The following PRRC1 variants were observed in gnomAD, a reference collection of about 807,000 sequenced individuals.
The protein encoded by PRRC1 is protein PRRC1.
Under a neutral mutation model 40.7 loss-of-function variants are expected in PRRC1, and 39 were observed. The ratio of observed to expected loss-of-function variants is 0.96; its 90% CI spans 0.74 to 1.25. PRRC1 has a LOEUF of 1.25. Among genes scored for constraint, PRRC1 ranks in the 50% most tolerant of loss-of-function variants. PRRC1 has a pLI of 0.00. For missense variants in PRRC1, 573 were observed against 548.3 expected, an observed-to-expected ratio of 1.05 and a Z score of -0.45; for synonymous variants, 175 against 193.3, an observed-to-expected ratio of 0.91 and a Z score of 0.79.
At position 127,525,290 on chromosome 5, in the gene PRRC1, T is replaced by A. The variant is rs1561679739; in HGVS notation, c.493+370T>A. ...ACTGGCAACTTTCACTTAAATATTT[T>A]CACTTAAATATTTAACTTAAATATT... On this transcript the variant is annotated intron_variant, in intron 3 of 8. Transcript: ENST00000296666. Among the ~76,000 whole-genome samples, 7 of 152,218 alleles carry A rather than the reference T, an allele frequency of 4.6e-5. No homozygotes were observed. The East Asian group carries it at 1.3e-3, about 29-fold the overall frequency.
intron 5 of PRRC1, 138 bp downstream of exon 5, chr5:127,530,534 T>A: frequency 2.1e-6 from 1 of 486,268 alleles, no homozygotes; most frequent in Non-Finnish European, 3.5e-6. Flanking sequence ...TGCATTAATT[T>A]AATTGTCAGT....
chr5:127,547,816 C>T lies in PRRC1; in HGVS notation c.1026-3C>T, dbSNP rs1768268286. 12 of 1,605,748 alleles carry T rather than the reference C, an allele frequency of 7.5e-6. No individual in the cohort carries two copies. In the East Asian group the frequency reaches 1.8e-4, roughly 24 times the overall value. On this transcript the variant is annotated splice_region_variant and splice_polypyrimidine_tract_variant and intron_variant, in intron 7 of 8. Coordinates refer to ENST00000296666, the MANE Select transcript of PRRC1 (RefSeq NM_130809.5). ...CCATTTGAAACTCGTAATTCTGTTG[C>T]AGATGGTTTGACATTGGTTGTTTGG...
At chr5:127,540,754 G>C (rs561714453) in intron 7 of PRRC1, among the ~76,000 whole-genome samples, 2 of 152,192 alleles carry the variant, frequency 1.3e-5, no homozygotes, top group Admixed American at 1.3e-4. Context: ...TTTGAGAAGT[G>C]TCTGTTCATG....
intron 7 of PRRC1, among the ~76,000 whole-genome samples, chr5:127,542,818 C>G (rs1160844573): frequency 3.3e-5 from 5 of 151,494 alleles, no homozygotes; most frequent in African/African-American, 9.7e-5. Flanking sequence ...TGGGTCTTGA[C>G]TCTTTATCCA....
chr5:127,545,397 A>G (rs1231300068), intron 7 of PRRC1, among the ~76,000 whole-genome samples: 1 of 152,170 alleles, frequency 6.6e-6, no homozygotes, highest in African/African-American at 2.4e-5. Context: ...CAAATGTCCA[A>G]CAATGATAGA....
intron 6 of PRRC1, among the ~76,000 whole-genome samples, chr5:127,534,895 C>T (rs1021606198): frequency 2.0e-5 from 3 of 152,232 alleles, no homozygotes; most frequent in African/African-American, 7.2e-5. Flanking sequence ...TAATTGATGG[C>T]AGTTCTAGCC....
At chr5:127,521,301 C>G (rs1223258870) in intron 1 of PRRC1, among the ~76,000 whole-genome samples, 1 of 152,212 alleles carries the variant, frequency 6.6e-6, no homozygotes, top group Non-Finnish European at 1.5e-5. Context: ...GTCATCTGCT[C>G]TGTTCTTAGT....
intron 6 of PRRC1, among the ~76,000 whole-genome samples, chr5:127,535,402 AGG>A (rs1767872743): frequency 6.6e-6 from 1 of 152,172 alleles, no homozygotes; most frequent in African/African-American, 2.4e-5. Flanking sequence ...TGCAAAAAAG[AGG>A]TGCTAAATAG....
At chr5:127,533,020 GAA>G (rs1767814499) in intron 5 of PRRC1, among the ~76,000 whole-genome samples, 1 of 151,926 alleles carries the variant, frequency 6.6e-6, no homozygotes, top group Admixed American at 6.6e-5. Context: ...AAAAATATTT[GAA>G]AATATTTTTA....
Position 127,535,524 on chromosome 5 carries a change from A to G in PRRC1, c.921+1738A>G, listed in dbSNP as rs548667096. ...ATGCATCAGGCAACTCAAATTTCTC[A>G]TAGCTCTGTGCATGTCCGATTTTGA... On this transcript the variant is annotated intron_variant, in intron 6 of 8. Coordinates refer to ENST00000296666, the MANE Select transcript of PRRC1 (RefSeq NM_130809.5). Among the ~76,000 whole-genome samples, 3 of 152,286 alleles carry G rather than the reference A, an allele frequency of 2.0e-5. No homozygotes were observed. In the South Asian group the frequency reaches 6.2e-4, roughly 32 times the overall value.
At chr5:127,543,294 C>A (rs1052061967) in intron 7 of PRRC1, among the ~76,000 whole-genome samples, 1 of 152,014 alleles carries the variant, frequency 6.6e-6, no homozygotes, top group Admixed American at 6.6e-5. Flanking sequence ...TTCTCTCTGG[C>A]TGCCCTTAAC....
At chr5:127,549,114 T>G in intron 8 of PRRC1, 1 of 151,706 alleles carries the variant, frequency 6.6e-6, no homozygotes, top group Non-Finnish European at 1.5e-5. Flanking sequence ...TTCATATGAT[T>G]CAGCTTAATT....
rs565984795 is a variant in PRRC1 at position 127,551,631 on chromosome 5, T to C, written c.1129-76T>C. On this transcript the variant is annotated intron_variant, in intron 8 of 8. Transcript: ENST00000296666. ...ATATTTAAAATAACATGAAACACTT[T>C]GAAATGTCACTTATAGCTAGTTCCA... The C allele has an allele frequency of 2.0e-5, 29 of 1,431,652 alleles. No homozygotes were observed. In the African/African-American group the frequency reaches 3.6e-4, roughly 18 times the overall value. The allele number at this position is 1,431,652 out of a possible 1,614,324, so 88.7% of individuals were successfully genotyped here. A position where few individuals can be genotyped will look rare whatever the true frequency, so the allele number is the denominator to read the frequency against.
Position 127,526,621 on chromosome 5 carries a change from T to C in PRRC1, c.497T>C (p.Leu166Pro). ...GAAAATTTTTGCCATTGATTAGGTC[T>C]TTTGCCAACTCCTATTACTCAGCAA... Reference protein sequence around the residue: ...PSFSAPSGTGLLPTPITQQAS... With the variant: ...PSFSAPSGTGPLPTPITQQAS... The change falls in exon 4 of 9, where the codon CTT becomes CCT. Residue 166 changes from leucine to proline, a missense_variant. Transcript: ENST00000296666. The C allele has an allele frequency of 2.5e-6, 4 of 1,603,680 alleles. No homozygotes were observed. The highest frequency in any genetic ancestry group is 3.4e-6 in the Non-Finnish European group (4 of 1,176,056).
intron 1 of PRRC1, among the ~76,000 whole-genome samples, chr5:127,518,300 T>C (rs768261607): frequency 5.9e-5 from 9 of 152,240 alleles, no homozygotes; most frequent in Non-Finnish European, 1.2e-4. Flanking sequence ...GAAAGGAAGC[T>C]TATTTTCCCT....
At chr5:127,548,240 C>A (rs940544681) in intron 8 of PRRC1, 12 of 490,004 alleles carry the variant, frequency 2.4e-5, no homozygotes, top group Non-Finnish European at 4.3e-5. Flanking sequence ...GTCCGCCTTT[C>A]GTTTGCTTTC....
chr5:127,553,318 AT>A lies in PRRC1; in HGVS notation c.*1403del. ...TTTTACCTGAGGATAAGAAGAATGA[AT>A]ATTAAATTTGAATATTAAATATATG... On this transcript the variant is annotated 3_prime_UTR_variant, in exon 9 of 9. Transcript: ENST00000296666. 2.0e-6 allele frequency: 2 copies of A among 984,874 alleles called. No homozygotes were observed. Among genetic ancestry groups the A allele is most frequent in the Non-Finnish European group, 2.4e-6 (2 of 829,224 alleles). The allele number at this position is 984,874 out of a possible 1,614,324, so 61.0% of individuals were successfully genotyped here.
chr5:127,523,401 C>T (rs1039854183), intron 1 of PRRC1, 59 bp from the exon 2 acceptor site: 1 of 748,392 alleles, frequency 1.3e-6, no homozygotes, highest in Non-Finnish European at 2.0e-6. Context: ...TCTATTCAAG[C>T]TTTAAAAATA....
Position 127,553,467 on chromosome 5 carries a change from CAG to C in PRRC1, c.*1552_*1553del. 1 of 1,124,192 alleles carries C rather than the reference CAG, an allele frequency of 8.9e-7. No homozygotes were observed. The highest frequency in any genetic ancestry group is 1.1e-6 in the Non-Finnish European group (1 of 914,678). 69.6% of individuals were successfully genotyped at this position (1,124,192 alleles called of 1,614,324 possible). A position where few individuals can be genotyped will look rare whatever the true frequency, so the allele number is the denominator to read the frequency against. ...TTGGTGTACTTTTGTCCAGGAGTAACAGGGACAGAATACTTTCTTTCTTTCCT... is the reference window on the plus strand; with the variant it reads ...TTGGTGTACTTTTGTCCAGGAGTAACGGACAGAATACTTTCTTTCTTTCCT... On this transcript the variant is annotated 3_prime_UTR_variant, in exon 9 of 9. Coordinates refer to ENST00000296666, the MANE Select transcript of PRRC1 (RefSeq NM_130809.5).
Sources: gnomAD v4.1 joint callset for allele counts (sites outside exome capture counted in the v4.1 genomes callset) on GRCh38, gnomAD v4.1.1 for gene constraint, MANE v1.5 for transcripts, NCBI Gene and HGNC (gene_info 2026-07-23, HGNC 2026-07-21) for gene names.